The following KCNIP3 variants were observed in gnomAD, a reference collection of about 807,000 sequenced individuals.
The protein encoded by KCNIP3 is potassium voltage-gated channel interacting protein 3, also known as calsenilin.
KCNIP3 carries 28 observed loss-of-function variants against 35.0 expected under a neutral mutation model. The observed-to-expected ratio is 0.80, with a 90% confidence interval of 0.59 to 1.10. The LOEUF (loss-of-function observed/expected upper bound fraction) is 1.10. Among genes scored for constraint, KCNIP3 ranks in the 50% least tolerant of loss-of-function variants. The pLI is 0.00. For missense variants in KCNIP3, 295 were observed against 338.4 expected (o/e 0.87, Z 1.01); for synonymous variants, 134 against 133.8 (o/e 1.00, Z -0.01).
intron 2 of KCNIP3, among the ~76,000 whole-genome samples, chr2:95,328,424 G>A (rs970315443): frequency 3.3e-5 from 5 of 152,264 alleles, no homozygotes; most frequent in African/African-American, 1.2e-4. Context: ...GAGGCTGTGG[G>A]CTCTGTCTGA....
intron 1 of KCNIP3, among the ~76,000 whole-genome samples, chr2:95,300,730 G>A (rs1678005036): frequency 6.6e-6 from 1 of 152,248 alleles, no homozygotes. Context: ...GGCAGGGAAA[G>A]AAGCAAGGGG....
chr2:95,315,740 G>GT (rs1220929471), intron 2 of KCNIP3, among the ~76,000 whole-genome samples: 1 of 150,464 alleles, frequency 6.6e-6, no homozygotes, highest in African/African-American at 2.4e-5. Context: ...ACCTCCGAAA[G>GT]TTTTTCCTCC....
intron 2 of KCNIP3, among the ~76,000 whole-genome samples, chr2:95,331,375 AGGAGG>A (rs1472476354): frequency 2.0e-5 from 3 of 151,840 alleles, no homozygotes; most frequent in Non-Finnish European, 2.9e-5. Flanking sequence ...GCGTGAGGGG[AGGAGG>A]GGGCTTGGTG....
In KCNIP3 at chr2:95,378,126, T is replaced by A. The variant is rs1680248170; in HGVS notation, c.447+2918T>A. 6.6e-6 allele frequency among the ~76,000 whole-genome samples: 1 copy of A among 152,198 alleles called. No individual in the cohort carries two copies. The highest frequency in any genetic ancestry group is 2.1e-4 in the South Asian group (1 of 4,826). On this transcript the variant is annotated intron_variant, in intron 5 of 8. Transcript: ENST00000295225. The surrounding 1 kb of genome is among the most constrained non-coding windows in gnomAD (Gnocchi z 4.0). ...AGTAGAAATATAACAATGTTTCTCC[T>A]TGTTTTTTAATTTTTATTTTTTTTG...
At chr2:95,379,611 T>A (rs1316335276) in intron 5 of KCNIP3, among the ~76,000 whole-genome samples, 1 of 152,258 alleles carries the variant, frequency 6.6e-6, no homozygotes, top group Non-Finnish European at 1.5e-5. Context: ...AGCTGTAACT[T>A]TGGAGCGTTT....
At chr2:95,310,231 C>T (rs767976334) in intron 1 of KCNIP3, 124 bp from the exon 2 acceptor site, 30 of 1,164,874 alleles carry the variant, frequency 2.6e-5, no homozygotes, top group South Asian at 5.0e-5. Flanking sequence ...CATGCAGCCC[C>T]GGAAGGTGAG....
intron 2 of KCNIP3, 35 bp from the exon 3 acceptor site, chr2:95,374,261 A>G (rs756156335): frequency 6.2e-7 from 1 of 1,605,764 alleles, no homozygotes; most frequent in South Asian, 1.1e-5. Flanking sequence ...GCAGGGCTAC[A>G]GGCCTTACAC....
chr2:95,318,875 G>A (rs557188744), intron 2 of KCNIP3, among the ~76,000 whole-genome samples: 8 of 152,314 alleles, frequency 5.3e-5, no homozygotes, highest in Admixed American at 2.0e-4. Flanking sequence ...AGATGAGCTG[G>A]TGTAGACATG....
chr2:95,331,383 G>A (rs1163058173), intron 2 of KCNIP3, among the ~76,000 whole-genome samples: 1 of 152,124 alleles, frequency 6.6e-6, no homozygotes, highest in Non-Finnish European at 1.5e-5. Flanking sequence ...GGAGGAGGGG[G>A]CTTGGTGGTA....
At chr2:95,379,426 C>G (rs1334906393) in intron 5 of KCNIP3, among the ~76,000 whole-genome samples, 1 of 151,528 alleles carries the variant, frequency 6.6e-6, no homozygotes, top group Non-Finnish European at 1.5e-5. Flanking sequence ...AGGAGGCCCC[C>G]CCACCAGCCT....
rs552816537 is a variant in KCNIP3, at chr2:95,347,405, C to T, written c.182-26891C>T. On this transcript the variant is annotated intron_variant, in intron 2 of 8. Transcript: ENST00000295225. ...TCCTAGGCCTGCAGTCCGGGCGCCC[C>T]TGGTGAGCACACCGGCTTGGGTCGC... 6.8e-4 allele frequency among the ~76,000 whole-genome samples: 103 copies of T among 152,338 alleles called. No homozygotes were observed. The Middle Eastern group carries it at 0.017, about 25-fold the overall frequency.
intron 2 of KCNIP3, among the ~76,000 whole-genome samples, chr2:95,343,499 C>T (rs201798266): frequency 5.9e-5 from 9 of 152,144 alleles, no homozygotes; most frequent in African/African-American, 9.7e-5. Context: ...GCTGTTTTCA[C>T]GGAATGGGTC....
chr2:95,371,028 C>T (rs1680029827), intron 2 of KCNIP3, among the ~76,000 whole-genome samples: 1 of 152,218 alleles, frequency 6.6e-6, no homozygotes, highest in Non-Finnish European at 1.5e-5. Flanking sequence ...CTCGGCCTCC[C>T]AAAGTGCTGG....
chr2:95,330,886 G>A (rs1408208488), intron 2 of KCNIP3, among the ~76,000 whole-genome samples: 2 of 152,210 alleles, frequency 1.3e-5, no homozygotes, highest in Non-Finnish European at 1.5e-5. Flanking sequence ...TATAAAATGA[G>A]ATTGATGAGT....
At chr2:95,364,755 C>T (rs898018446) in intron 2 of KCNIP3, among the ~76,000 whole-genome samples, 2 of 152,162 alleles carry the variant, frequency 1.3e-5, no homozygotes, top group African/African-American at 4.8e-5. Flanking sequence ...TTGGAAGCTT[C>T]CTGAGGCCCT....
At chr2:95,319,069 CA>C (rs1158799458) in intron 2 of KCNIP3, among the ~76,000 whole-genome samples, 1 of 152,214 alleles carries the variant, frequency 6.6e-6, no homozygotes, top group Non-Finnish European at 1.5e-5. Flanking sequence ...CAGAGCCTGG[CA>C]CATAAAATAC....
rs1259805997 is a variant in KCNIP3 at position 95,379,381 on chromosome 2, C to G, written c.448-2215C>G. Among the ~76,000 whole-genome samples, 5 of 152,198 alleles carry G rather than the reference C, an allele frequency of 3.3e-5. No homozygotes were observed. The East Asian group carries it at 9.6e-4, about 29-fold the overall frequency. On this transcript the variant is annotated intron_variant, in intron 5 of 8. Transcript: ENST00000295225. ...TATTCATTCAAGCCCAGGCCCTTCTCCAGTCATCTGAACCTGTTGCCCGGC... is the reference window on the plus strand; with the variant it reads ...TATTCATTCAAGCCCAGGCCCTTCTGCAGTCATCTGAACCTGTTGCCCGGC...
intron 1 of KCNIP3, among the ~76,000 whole-genome samples, chr2:95,302,416 C>G (rs751762116): frequency 2.6e-5 from 4 of 152,238 alleles, no homozygotes; most frequent in Non-Finnish European, 5.9e-5. Context: ...GCCCAGCCCT[C>G]TCTGCATCAA....
intron 2 of KCNIP3, chr2:95,312,315 G>A (rs115024087): frequency 1.1e-4 from 17 of 152,490 alleles, no homozygotes; most frequent in Admixed American, 2.0e-4. Context: ...GCTATGCTGA[G>A]TGGGGTGGAC....
Sources: allele counts gnomAD v4.1 joint callset (sites outside exome capture counted in the v4.1 genomes callset), GRCh38; gene constraint gnomAD v4.1.1; non-coding constraint Gnocchi (gnomAD v3.1); transcripts MANE v1.5; gene names NCBI Gene and HGNC (gene_info 2026-07-23, HGNC 2026-07-21).